ITCH: variants seen among roughly 807,000 people sequenced by gnomAD.
The protein encoded by ITCH is E3 ubiquitin-protein ligase Itchy homolog.
Under a neutral mutation model 126.8 loss-of-function variants are expected in ITCH, and 28 were observed. That is an observed-to-expected ratio of 0.22 (90% CI 0.16 to 0.30). ITCH has a LOEUF of 0.30. ITCH is among the 10% of genes least tolerant of loss of function. The pLI is 1.00. For synonymous variants in ITCH, 342 were observed against 340.0 expected, an observed-to-expected ratio of 1.01 and a Z score of -0.06; for missense variants, 631 against 1,032.4, an observed-to-expected ratio of 0.61 and a Z score of 5.33.
chr20:34,458,119 A>G (rs1986191539), intron 13 of ITCH, among the ~76,000 whole-genome samples: 1 of 152,172 alleles, frequency 6.6e-6, no homozygotes, highest in South Asian at 2.1e-4. Flanking sequence ...TCAAGGAGGA[A>G]GAAAATACAT....
rs1486139202 is a variant in ITCH, at chr20:34,417,607, C to T, written c.475+3728C>T. On this transcript the variant is annotated intron_variant, in intron 6 of 24. Coordinates refer to ENST00000374864, the MANE Select transcript of ITCH (RefSeq NM_031483.7). The stretch of plus-strand genomic sequence containing the variant: ...TACAGATGGGGTTTTACCAAGTTGG[C>T]CAGGGTGGTGTCGAACTCCGGACCT... 3.3e-5 allele frequency among the ~76,000 whole-genome samples: 5 copies of T among 151,364 alleles called. No homozygotes were observed. In the East Asian group the frequency reaches 9.7e-4, roughly 29 times the overall value.
intron 12 of ITCH, among the ~76,000 whole-genome samples, chr20:34,456,421 A>G (rs1986004227): frequency 6.8e-6 from 1 of 147,940 alleles, no homozygotes; most frequent in African/African-American, 2.5e-5. Context: ...TAATTTTTTT[A>G]TTTGTTCAAC....
chr20:34,429,608 G>A (rs556358477), intron 7 of ITCH, among the ~76,000 whole-genome samples: 2 of 152,102 alleles, frequency 1.3e-5, no homozygotes, highest in Admixed American at 6.6e-5. Flanking sequence ...AATAATAACA[G>A]ATAGTAAAAA....
intron 16 of ITCH, 51 bp from the exon 17 acceptor site, chr20:34,477,721 C>T: frequency 6.5e-7 from 1 of 1,534,988 alleles, no homozygotes; most frequent in Non-Finnish European, 9.0e-7. Flanking sequence ...AAGTGGTAGA[C>T]AGTGTTTCAA....
At chr20:34,475,227 G>A (rs1291155762) in intron 16 of ITCH, among the ~76,000 whole-genome samples, 5 of 152,160 alleles carry the variant, frequency 3.3e-5, no homozygotes, top group African/African-American at 1.2e-4. Flanking sequence ...GCCAGGCAGA[G>A]ATGCTCCTCA....
intron 14 of ITCH, 115 bp downstream of exon 14, chr20:34,462,336 A>G (rs1986617538): frequency 9.3e-7 from 1 of 1,078,156 alleles, no homozygotes; most frequent in African/African-American, 1.7e-5. Flanking sequence ...TTAGCTTGAC[A>G]ATAGGTTTCT....
intron 3 of ITCH, chr20:34,402,246 G>A (rs1427177906): frequency 6.2e-6 from 8 of 1,292,298 alleles, no homozygotes; most frequent in Non-Finnish European, 9.0e-6. Context: ...CTTTGTGAGT[G>A]CAGAACACTC....
At chr20:34,437,302 C>T (rs143782773) in intron 7 of ITCH, among the ~76,000 whole-genome samples, 163 of 152,054 alleles carry the variant, frequency 1.1e-3, no homozygotes, top group African/African-American at 3.8e-3. Context: ...ATGGTACTGC[C>T]TCTCTGTTTC....
Position 34,434,764 on chromosome 20 carries a change from G to C in ITCH, c.522-3710G>C, listed in dbSNP as rs950897398. 2.6e-5 allele frequency among the ~76,000 whole-genome samples: 4 copies of C among 152,280 alleles called. No individual in the cohort carries two copies. In the South Asian group the frequency reaches 6.2e-4, roughly 24 times the overall value. ...ATGGAAAAGGTTTGCAAGGGGCACT[G>C]GGGATGGGTCCAGGAGTGGATTAGA... On this transcript the variant is annotated intron_variant, in intron 7 of 24. Coordinates refer to ENST00000374864, the MANE Select transcript of ITCH (RefSeq NM_031483.7).
chr20:34,484,959 G>C (rs1467687071), intron 20 of ITCH, among the ~76,000 whole-genome samples: 4 of 152,166 alleles, frequency 2.6e-5, no homozygotes, highest in Non-Finnish European at 5.9e-5. Flanking sequence ...CCCAGCCCCA[G>C]AGGTAGGTAA....
intron 3 of ITCH, chr20:34,402,107 G>A (rs2038907190): frequency 4.7e-6 from 4 of 845,272 alleles, no homozygotes; most frequent in Admixed American, 4.0e-5. Flanking sequence ...TTAGTATGAT[G>A]CCAACACCAG....
At chr20:34,365,394 T>C (rs1341076092) in intron 1 of ITCH, among the ~76,000 whole-genome samples, 1 of 152,190 alleles carries the variant, frequency 6.6e-6, no homozygotes, top group African/African-American at 2.4e-5. Context: ...CAAACATTTC[T>C]ACATTCTTTA....
At chr20:34,499,965 C>T (rs1990149387) in intron 23 of ITCH, among the ~76,000 whole-genome samples, 1 of 152,130 alleles carries the variant, frequency 6.6e-6, no homozygotes, top group South Asian at 2.1e-4. Flanking sequence ...CGTTTAATTA[C>T]CATGTATTTA....
At chr20:34,486,612 C>T (rs1234813002) in intron 20 of ITCH, among the ~76,000 whole-genome samples, 3 of 152,074 alleles carry the variant, frequency 2.0e-5, no homozygotes, top group African/African-American at 7.2e-5. Flanking sequence ...AGGCATGAGC[C>T]ACCACGCCCA....
intron 2 of ITCH, among the ~76,000 whole-genome samples, chr20:34,381,684 C>A (rs775854346): frequency 7.9e-5 from 12 of 151,932 alleles, no homozygotes; most frequent in Non-Finnish European, 1.5e-4. Flanking sequence ...CCTTGGCCTC[C>A]CAAAGTGCTG....
chr20:34,439,653 C>A (rs1047998888), intron 8 of ITCH, among the ~76,000 whole-genome samples: 1 of 152,124 alleles, frequency 6.6e-6, no homozygotes, highest in Non-Finnish European at 1.5e-5. Context: ...TTGGTGACTT[C>A]CTCTAGACAT....
intron 2 of ITCH, among the ~76,000 whole-genome samples, chr20:34,380,456 C>T (rs2038014114): frequency 6.6e-6 from 1 of 152,014 alleles, no homozygotes; most frequent in Non-Finnish European, 1.5e-5. Flanking sequence ...TCTGTTCTGA[C>T]CTTAGGTAAT....
rs989039130 is a variant in ITCH, at chr20:34,508,272, C to T, written c.*478C>T. The T allele has an allele frequency of 1.6e-5, 3 of 183,104 alleles. No individual in the cohort carries two copies. Among genetic ancestry groups the T allele is most frequent in the Non-Finnish European group, 3.5e-5 (3 of 85,068 alleles). 11.3% of individuals were successfully genotyped at this position (183,104 alleles called of 1,614,324 possible). A position where few individuals can be genotyped will look rare whatever the true frequency, so the allele number is the denominator to read the frequency against. ...TGTGAGCAAAATTCGGGCTTGTGTTCTCCCTCTCATTTTAGTCTGACTTGA... is the reference window on the plus strand; with the variant it reads ...TGTGAGCAAAATTCGGGCTTGTGTTTTCCCTCTCATTTTAGTCTGACTTGA... On this transcript the variant is annotated 3_prime_UTR_variant, in exon 25 of 25. Transcript: ENST00000374864.
intron 12 of ITCH, among the ~76,000 whole-genome samples, chr20:34,453,880 G>A (rs1985551701): frequency 6.6e-6 from 1 of 151,596 alleles, no homozygotes; most frequent in South Asian, 2.1e-4. Context: ...TGTAGTACCA[G>A]CTATTTGGGA....
Sources: gnomAD v4.1 joint callset for allele counts (sites outside exome capture counted in the v4.1 genomes callset) on GRCh38, gnomAD v4.1.1 for gene constraint, MANE v1.5 for transcripts, NCBI Gene and HGNC (gene_info 2026-07-23, HGNC 2026-07-21) for gene names.